Variants in RIC3 observed in about 807,000 individuals in gnomAD.
RIC3 encodes the protein RIC3 acetylcholine receptor chaperone.
Under a neutral mutation model 27.3 loss-of-function variants are expected in RIC3, and 28 were observed. The ratio of observed to expected loss-of-function variants is 1.02; its 90% CI spans 0.76 to 1.41. RIC3 has a LOEUF of 1.41. Ranked by LOEUF, RIC3 falls within the 40% of genes most tolerant of loss-of-function variation. RIC3 has a pLI of 0.00. For synonymous variants in RIC3, 184 were observed against 160.4 expected (o/e 1.15, Z -1.11); for missense variants, 501 against 444.7 (o/e 1.13, Z -1.14).
At chr11:8,095,231 C>T in the RIC3 span, among the ~76,000 whole-genome samples, 3 of 152,124 alleles carry the variant, frequency 2.0e-5, no homozygotes, top group East Asian at 1.9e-4. Flanking sequence ...AGATGGCTGC[C>T]GTCTGCTTTA....
chr11:8,118,527 T>TAAAAAAAAAAA (rs11378233), intron 5 of RIC3, among the ~76,000 whole-genome samples: 1 of 66,688 alleles, frequency 1.5e-5, no homozygotes, highest in Non-Finnish European at 2.8e-5. Context: ...GCCATAATTG[T>TAAAAAAAAAAA]AAAAAAAAAA....
chr11:8,126,289 A>G (rs1026922963), intron 5 of RIC3, among the ~76,000 whole-genome samples: 13 of 152,228 alleles, frequency 8.5e-5, no homozygotes, highest in Non-Finnish European at 1.8e-4. Flanking sequence ...GATACACTCA[A>G]TAACAAACAT....
chr11:8,117,662 T>C (rs1946002000), intron 5 of RIC3, among the ~76,000 whole-genome samples: 1 of 152,226 alleles, frequency 6.6e-6, no homozygotes, highest in South Asian at 2.1e-4. Context: ...GTATGTTGTA[T>C]ATTTGAAAAT....
chr11:8,118,889 A>C (rs1946162732), intron 5 of RIC3, among the ~76,000 whole-genome samples: 1 of 152,082 alleles, frequency 6.6e-6, no homozygotes, highest in South Asian at 2.1e-4. Flanking sequence ...AAAAGAAAAA[A>C]TAGCAGATTG....
At chr11:8,097,604 T>A in the RIC3 span, 1 of 1,293,262 alleles carries the variant, frequency 7.7e-7, no homozygotes, top group East Asian at 2.3e-5. Flanking sequence ...TGTGTGCACA[T>A]ATGTGCGTTT....
chr11:8,129,146 C>A (rs1241059422), intron 4 of RIC3, among the ~76,000 whole-genome samples: 2 of 151,850 alleles, frequency 1.3e-5, no homozygotes, highest in Admixed American at 6.6e-5. Context: ...ATACCATAGA[C>A]CATCCTCTGC....
downstream of RIC3, chr11:8,105,800 TCCCTCC>T (rs1478048666): frequency 6.6e-6 from 1 of 152,102 alleles, no homozygotes; most frequent in Non-Finnish European, 1.5e-5. Flanking sequence ...CTCCTGTCCC[TCCCTCC>T]CCCTAGCAAG....
chr11:8,141,291 C>T (rs7106556), intron 1 of RIC3, among the ~76,000 whole-genome samples: 40,263 of 151,164 alleles, frequency 0.27, 5,502 homozygotes, highest in East Asian at 0.44. Flanking sequence ...ACCCATCTCA[C>T]GTGCAGAGAC....
intron 5 of RIC3, among the ~76,000 whole-genome samples, chr11:8,124,002 TCAAA>T (rs1012190533): frequency 2.0e-5 from 3 of 146,840 alleles, no homozygotes; most frequent in African/African-American, 5.0e-5. Context: ...GCCCAGGAGA[TCAAA>T]CAGTGAGCCA....
downstream of RIC3, chr11:8,101,087 G>C (rs1024291736): frequency 6.8e-7 from 1 of 1,468,592 alleles, no homozygotes; most frequent in Non-Finnish European, 9.3e-7. Flanking sequence ...GCCTACACTG[G>C]CTAGAGTTTA....
chr11:8,141,772 T>A (rs1015486195), intron 1 of RIC3, among the ~76,000 whole-genome samples: 1 of 152,136 alleles, frequency 6.6e-6, no homozygotes, highest in African/African-American at 2.4e-5. Context: ...GACCACATAC[T>A]TGGAAGTAAA....
chr11:8,122,469 A>G (rs898227598), intron 5 of RIC3, among the ~76,000 whole-genome samples: 10 of 152,130 alleles, frequency 6.6e-5, no homozygotes, highest in African/African-American at 2.2e-4. Context: ...ATATATATGT[A>G]CCACAGTTTA....
intron 5 of RIC3, among the ~76,000 whole-genome samples, chr11:8,116,755 T>C (rs536990944): frequency 6.6e-6 from 1 of 152,226 alleles, no homozygotes; most frequent in East Asian, 1.9e-4. Flanking sequence ...CAAAAGGCAA[T>C]AATAAGTGTC....
intron 2 of RIC3, chr11:8,138,835 C>T (rs1948709613): frequency 8.7e-6 from 2 of 230,502 alleles, no homozygotes; most frequent in South Asian, 6.2e-5. Flanking sequence ...TTAGTTCCTC[C>T]TTCCTTTGTT....
In RIC3 at chr11:8,126,529, C is replaced by T. The variant is rs140162981; in HGVS notation, c.670+130G>A. 1,106 of 1,055,570 alleles carry T rather than the reference C, an allele frequency of 1.0e-3. 9 individuals carry two copies. The African/African-American group carries it at 0.016, about 15-fold the overall frequency. 65.4% of individuals were successfully genotyped at this position (1,055,570 alleles called of 1,614,324 possible). A position where few individuals can be genotyped will look rare whatever the true frequency, so the allele number is the denominator to read the frequency against. On this transcript the variant is annotated intron_variant, in intron 5 of 5. Coordinates refer to ENST00000309737, the MANE Select transcript of RIC3 (RefSeq NM_001206671.4). ...ATATATTTGTCAAAACTCATCCAAC[C>T]GTACATTTAAAACTGGTTAATATTA...
intron 1 of RIC3, among the ~76,000 whole-genome samples, chr11:8,151,247 A>G (rs538989267): frequency 1.2e-4 from 19 of 152,310 alleles, no homozygotes; most frequent in Middle Eastern, 3.4e-3. Context: ...GTATCTGAAA[A>G]GGGTTAGTAT....
intron 5 of RIC3, among the ~76,000 whole-genome samples, chr11:8,121,419 T>C (rs1047013225): frequency 6.6e-6 from 1 of 152,186 alleles, no homozygotes; most frequent in Non-Finnish European, 1.5e-5. Context: ...AACTTTTTAA[T>C]ATATTAAATA....
At chr11:8,126,545 G>T in intron 5 of RIC3, 114 bp downstream of exon 5, 1 of 1,211,384 alleles carries the variant, frequency 8.3e-7, no homozygotes, top group Non-Finnish European at 1.1e-6. Flanking sequence ...TTTAAAACTG[G>T]TTAATATTAC....
intron 1 of RIC3, among the ~76,000 whole-genome samples, chr11:8,163,047 ACACATACACACACACACACACC>A (rs1207666038): frequency 3.8e-5 from 5 of 132,408 alleles, no homozygotes; most frequent in African/African-American, 8.8e-5. Flanking sequence ...ACACACACAC[ACACATACACACACACACACACC>A]CCCCAAAACA....
Sources: allele counts gnomAD v4.1 joint callset (sites outside exome capture counted in the v4.1 genomes callset), GRCh38; gene constraint gnomAD v4.1.1; transcripts MANE v1.5; gene names NCBI Gene and HGNC (gene_info 2026-07-23, HGNC 2026-07-21).